VTI1A: variants seen among roughly 807,000 people sequenced by gnomAD.
The protein encoded by VTI1A is vesicle transport through interaction with t-SNAREs homolog 1A.
A neutral mutation model predicts 34.9 loss-of-function variants in VTI1A; 22 were observed. The ratio of observed to expected loss-of-function variants is 0.63; its 90% CI spans 0.45 to 0.90. The LOEUF is 0.90. VTI1A is among the 40% of genes least tolerant of loss of function. VTI1A has a pLI of 0.00. For synonymous variants in VTI1A, 87 were observed against 97.3 expected, an observed-to-expected ratio of 0.89 and a Z score of 0.62; for missense variants, 268 against 275.6, an observed-to-expected ratio of 0.97 and a Z score of 0.20.
chr10:112,769,492 T>C lies in VTI1A; in HGVS notation c.561-45798T>C, dbSNP rs549509460. Reference sequence around the variant, plus strand: ...AGACCATGGAATTTCCCTATCTTCATGTCTTTGATAAGCCAGACTTGCCAG... The same window carrying C: ...AGACCATGGAATTTCCCTATCTTCACGTCTTTGATAAGCCAGACTTGCCAG... On this transcript the variant is annotated intron_variant, in intron 7 of 7. Transcript: ENST00000393077. 2.6e-5 allele frequency among the ~76,000 whole-genome samples: 4 copies of C among 152,348 alleles called. No homozygotes were observed. In the South Asian group the frequency reaches 6.2e-4, roughly 24 times the overall value.
intron 3 of VTI1A, among the ~76,000 whole-genome samples, chr10:112,514,035 G>A (rs563554842): frequency 4.3e-4 from 66 of 151,972 alleles, no homozygotes; most frequent in African/African-American, 1.4e-3. Flanking sequence ...AAATACATTT[G>A]GAAATATTCT....
chr10:112,704,657 G>C (rs1021992985), intron 7 of VTI1A, among the ~76,000 whole-genome samples: 4 of 152,092 alleles, frequency 2.6e-5, no homozygotes, highest in Admixed American at 1.3e-4. Flanking sequence ...TCAACCACTT[G>C]TTTATTGAGG....
At chr10:112,628,305 G>T (rs1845999095) in intron 5 of VTI1A, among the ~76,000 whole-genome samples, 1 of 152,186 alleles carries the variant, frequency 6.6e-6, no homozygotes, top group East Asian at 1.9e-4. Flanking sequence ...TTATGTTTAG[G>T]TGTTTAGGTA....
intron 7 of VTI1A, among the ~76,000 whole-genome samples, chr10:112,763,311 G>A (rs956827256): frequency 6.6e-6 from 1 of 152,002 alleles, no homozygotes. Context: ...ATGGTGGCAG[G>A]CGCCTGTAGT....
At chr10:112,815,137 G>GTGCACA (rs1554965928) in intron 7 of VTI1A, among the ~76,000 whole-genome samples, 153 bp from the exon 8 acceptor site, 4 of 77,476 alleles carry the variant, frequency 5.2e-5, no homozygotes, top group Non-Finnish European at 1.2e-4. Context: ...TCTTTCGCGC[G>GTGCACA]CGCACACACA....
intron 3 of VTI1A, 141 bp from the exon 4 acceptor site, chr10:112,526,946 A>C: frequency 3.1e-6 from 2 of 641,584 alleles, no homozygotes; most frequent in Non-Finnish European, 5.2e-6. Context: ...ACTTTACACA[A>C]CTTTGGTGTG....
At chr10:112,507,617 A>G (rs192666530) in intron 3 of VTI1A, among the ~76,000 whole-genome samples, 1 of 152,254 alleles carries the variant, frequency 6.6e-6, no homozygotes, top group Admixed American at 6.5e-5. Flanking sequence ...GACTTCCTTT[A>G]GTTCTGCTGC....
At chr10:112,822,639 C>T (rs1423550741), downstream of VTI1A, among the ~76,000 whole-genome samples, 3 of 152,250 alleles carry the variant, frequency 2.0e-5, no homozygotes, top group Non-Finnish European at 2.9e-5. Context: ...AGAGACTCTC[C>T]GCTCAATTTC....
chr10:112,706,151 A>G, intron 7 of VTI1A, among the ~76,000 whole-genome samples: 1 of 152,164 alleles, frequency 6.6e-6, no homozygotes, highest in East Asian at 1.9e-4. Context: ...GTCCTCAGAG[A>G]AAGTGCTGCC....
chr10:112,751,169 G>A lies in VTI1A; in HGVS notation c.561-64121G>A, dbSNP rs144135468. On this transcript the variant is annotated intron_variant, in intron 7 of 7. Coordinates refer to ENST00000393077, the MANE Select transcript of VTI1A (RefSeq NM_145206.4). ...TGCTTGAGCTAGTGTTTGGTGTGAA[G>A]TACCTATCTTTTGAAGGGAGAGAAA... Among the ~76,000 whole-genome samples, 44 of 152,304 alleles carry A rather than the reference G, an allele frequency of 2.9e-4. No homozygotes were observed. The East Asian group carries it at 7.1e-3, about 25-fold the overall frequency.
intron 7 of VTI1A, among the ~76,000 whole-genome samples, chr10:112,793,878 G>A (rs1018777501): frequency 1.2e-4 from 19 of 152,172 alleles, no homozygotes; most frequent in Admixed American, 7.2e-4. Context: ...TTCTCTCCAG[G>A]TGCACTGTGT....
intron 7 of VTI1A, among the ~76,000 whole-genome samples, chr10:112,698,121 A>G (rs1041021169): frequency 6.6e-6 from 1 of 152,214 alleles, no homozygotes; most frequent in Non-Finnish European, 1.5e-5. Context: ...CCTTAAAGCC[A>G]GCCTCTATCA....
intron 3 of VTI1A, among the ~76,000 whole-genome samples, chr10:112,468,106 G>A (rs537154430): frequency 6.6e-5 from 10 of 152,304 alleles, no homozygotes; most frequent in African/African-American, 9.6e-5. Context: ...AGGAAGAAAC[G>A]TGTGTGTGCT....
At chr10:112,688,258 C>A (rs1244953415) in intron 7 of VTI1A, among the ~76,000 whole-genome samples, 1 of 151,692 alleles carries the variant, frequency 6.6e-6, no homozygotes, top group Non-Finnish European at 1.5e-5. Context: ...CTGGCCAAGT[C>A]TTTTTCTTCT....
intron 5 of VTI1A, among the ~76,000 whole-genome samples, chr10:112,546,683 A>T (rs1343971290): frequency 6.6e-6 from 1 of 151,712 alleles, no homozygotes; most frequent in South Asian, 2.1e-4. Context: ...TTTTTTTTTA[A>T]AAAAAGAGGC....
chr10:112,585,608 G>C (rs1323375874), intron 5 of VTI1A, among the ~76,000 whole-genome samples: 1 of 151,584 alleles, frequency 6.6e-6, no homozygotes, highest in Non-Finnish European at 1.5e-5. Flanking sequence ...GAAAGATATG[G>C]GAGTTTATTT....
chr10:112,508,070 T>C (rs1029789669), intron 3 of VTI1A, among the ~76,000 whole-genome samples: 1 of 151,986 alleles, frequency 6.6e-6, no homozygotes, highest in Non-Finnish European at 1.5e-5. Context: ...ATAAGTCTAT[T>C]GTGATTTTCT....
chr10:112,510,413 T>A (rs1849566764), intron 3 of VTI1A, among the ~76,000 whole-genome samples: 1 of 152,132 alleles, frequency 6.6e-6, no homozygotes, highest in African/African-American at 2.4e-5. Flanking sequence ...GATGGGGGAT[T>A]GCTTGAGGCC....
At chr10:112,618,690 A>G (rs1224076119) in intron 5 of VTI1A, among the ~76,000 whole-genome samples, 2 of 151,774 alleles carry the variant, frequency 1.3e-5, no homozygotes, top group Non-Finnish European at 2.9e-5. Context: ...TATAGTTAGA[A>G]CATGCATACC....
Sources: allele counts gnomAD v4.1 joint callset (sites outside exome capture counted in the v4.1 genomes callset), GRCh38; gene constraint gnomAD v4.1.1; transcripts MANE v1.5; gene names NCBI Gene and HGNC (gene_info 2026-07-23, HGNC 2026-07-21).